CACNA2D1: variants seen among roughly 807,000 people sequenced by gnomAD.
CACNA2D1 encodes calcium voltage-gated channel auxiliary subunit alpha2delta 1.
Under a neutral mutation model 171.5 loss-of-function variants are expected in CACNA2D1, and 53 were observed. The observed-to-expected ratio is 0.31, with a 90% CI of 0.25 to 0.39. The LOEUF (loss-of-function observed/expected upper bound fraction) is 0.39. CACNA2D1 is among the 10% of genes least tolerant of loss of function. The pLI, the probability that CACNA2D1 is intolerant of heterozygous loss-of-function variation, is 1.00. For synonymous variants in CACNA2D1, 442 were observed against 443.1 expected, an observed-to-expected ratio of 1.00 and a Z score of 0.03; for missense variants, 903 against 1,299.8, an observed-to-expected ratio of 0.69 and a Z score of 4.69.
At chr7:82,129,186 T>A (rs1326079057) in intron 5 of CACNA2D1, among the ~76,000 whole-genome samples, 1 of 152,210 alleles carries the variant, frequency 6.6e-6, no homozygotes, top group Non-Finnish European at 1.5e-5. Context: ...AGCTGCCTAC[T>A]AGAAATCTCC....
chr7:82,110,020 A>C (rs1788188603), intron 6 of CACNA2D1, among the ~76,000 whole-genome samples: 1 of 152,076 alleles, frequency 6.6e-6, no homozygotes, highest in African/African-American at 2.4e-5. Flanking sequence ...GGAGGCTCAG[A>C]TTTTTTTGTA....
At chr7:82,240,125 G>C (rs1198265107) in intron 3 of CACNA2D1, among the ~76,000 whole-genome samples, 1 of 152,074 alleles carries the variant, frequency 6.6e-6, no homozygotes, top group Non-Finnish European at 1.5e-5. Flanking sequence ...AATAAGAAAA[G>C]GATCCTTGAC....
chr7:82,436,943 AT>A (rs2129459498), intron 1 of CACNA2D1, among the ~76,000 whole-genome samples: 2 of 152,276 alleles, frequency 1.3e-5, no homozygotes, highest in South Asian at 4.1e-4. Flanking sequence ...TCCCTAAGGT[AT>A]TGGGCAAATA....
chr7:82,031,546 C>T (rs946749652), intron 12 of CACNA2D1, among the ~76,000 whole-genome samples: 5 of 151,916 alleles, frequency 3.3e-5, no homozygotes, highest in Admixed American at 6.6e-5. Flanking sequence ...TTAAACCTTA[C>T]ATTAAACTGT....
intron 1 of CACNA2D1, among the ~76,000 whole-genome samples, chr7:82,407,831 T>C (rs1827216749): frequency 1.3e-5 from 2 of 152,066 alleles, no homozygotes. Flanking sequence ...ATTGAACTGA[T>C]ATAGCCCATC....
chr7:82,040,414 C>T (rs966827485), intron 10 of CACNA2D1, among the ~76,000 whole-genome samples: 18 of 109,366 alleles, frequency 1.6e-4, no homozygotes, highest in African/African-American at 6.6e-4. Flanking sequence ...ACATTTAAAG[C>T]ATGAGGCTCA....
chr7:82,334,164 A>C (rs1817707433), intron 3 of CACNA2D1, among the ~76,000 whole-genome samples: 1 of 152,186 alleles, frequency 6.6e-6, no homozygotes, highest in Non-Finnish European at 1.5e-5. Context: ...GATTGCCTAT[A>C]ATTAAGAAGT....
intron 1 of CACNA2D1, among the ~76,000 whole-genome samples, chr7:82,400,942 A>C (rs1826329951): frequency 2.0e-5 from 3 of 152,290 alleles, no homozygotes; most frequent in African/African-American, 4.8e-5. Flanking sequence ...GAAGCCAAAA[A>C]ACACATGAAA....
At chr7:82,210,603 G>A (rs1406365524) in intron 3 of CACNA2D1, among the ~76,000 whole-genome samples, 3 of 152,166 alleles carry the variant, frequency 2.0e-5, no homozygotes, top group Non-Finnish European at 2.9e-5. Flanking sequence ...GTAAAAGGGA[G>A]ACAACCAGAC....
intron 1 of CACNA2D1, among the ~76,000 whole-genome samples, chr7:82,369,739 T>C (rs1822158898): frequency 6.6e-6 from 1 of 152,008 alleles, no homozygotes; most frequent in African/African-American, 2.4e-5. Flanking sequence ...CACCTTAGAA[T>C]AGCCCAGTTC....
At chr7:82,157,339 A>C (rs1282829888) in intron 4 of CACNA2D1, among the ~76,000 whole-genome samples, 1 of 152,116 alleles carries the variant, frequency 6.6e-6, no homozygotes, top group Non-Finnish European at 1.5e-5. Flanking sequence ...TCCTGTGGGC[A>C]GTTTGATGAA....
At chr7:82,244,675 G>C (rs563095015) in intron 3 of CACNA2D1, among the ~76,000 whole-genome samples, 1 of 152,218 alleles carries the variant, frequency 6.6e-6, no homozygotes, top group South Asian at 2.1e-4. Flanking sequence ...GAATGGTTAT[G>C]ATTACAAAAA....
chr7:82,334,740 G>A (rs983187919), intron 3 of CACNA2D1, among the ~76,000 whole-genome samples: 15 of 152,076 alleles, frequency 9.9e-5, no homozygotes, highest in African/African-American at 3.6e-4. Context: ...GAGAGGAAGG[G>A]TGATGGAATA....
chr7:82,270,738 T>A (rs1192487306), intron 3 of CACNA2D1, among the ~76,000 whole-genome samples: 1 of 152,134 alleles, frequency 6.6e-6, no homozygotes, highest in Non-Finnish European at 1.5e-5. Flanking sequence ...TTCTTGTTTT[T>A]TAAGTTGTGG....
At chr7:82,377,944 C>G (rs937883952) in intron 1 of CACNA2D1, among the ~76,000 whole-genome samples, 7 of 152,176 alleles carry the variant, frequency 4.6e-5, no homozygotes, top group African/African-American at 1.7e-4. Context: ...TCTCCAGAGT[C>G]AGAACTGGGA....
At chr7:82,024,216 G>A (rs1048596492) in intron 12 of CACNA2D1, among the ~76,000 whole-genome samples, 1 of 150,868 alleles carries the variant, frequency 6.6e-6, no homozygotes, top group Non-Finnish European at 1.5e-5. Context: ...TTAATTCTTT[G>A]AGGGACCTCC....
intron 3 of CACNA2D1, among the ~76,000 whole-genome samples, chr7:82,292,612 G>C (rs1187659925): frequency 2.0e-5 from 3 of 152,020 alleles, no homozygotes; most frequent in Non-Finnish European, 4.4e-5. Context: ...TTAGCTTCCA[G>C]TGTTATTAAA....
At chr7:82,249,202 A>C (rs1212036146) in intron 3 of CACNA2D1, among the ~76,000 whole-genome samples, 1 of 152,172 alleles carries the variant, frequency 6.6e-6, no homozygotes, top group Non-Finnish European at 1.5e-5. Flanking sequence ...CACCATACTC[A>C]GTAGATGTAA....
Position 82,071,488 on chromosome 7 carries a change from A to T in CACNA2D1, c.659-4964T>A, listed in dbSNP as rs536955320. 1.8e-4 allele frequency among the ~76,000 whole-genome samples: 27 copies of T among 152,246 alleles called. 1 individual carries two copies. Among genetic ancestry groups the T allele is most frequent in the African/African-American group, 6.5e-4 (27 of 41,560 alleles). ...CAATGGGAATAGGGTAGAGAAAATA[A>T]CTGGCATAATTCTGTATTATAGGTA... On this transcript the variant is annotated intron_variant, in intron 7 of 38. Transcript: ENST00000356860.
Sources: gnomAD v4.1 joint callset for allele counts (sites outside exome capture counted in the v4.1 genomes callset) on GRCh38, gnomAD v4.1.1 for gene constraint, MANE v1.5 for transcripts, NCBI Gene and HGNC (gene_info 2026-07-23, HGNC 2026-07-21) for gene names.